Variants in TMEM266 observed in about 807,000 individuals in gnomAD.
TMEM266 encodes the protein Hv1 related protein 1.
In TMEM266, 33 loss-of-function variants were observed where a neutral mutation model predicts 50.5. That is an observed-to-expected ratio of 0.65 (90% CI 0.50 to 0.87). The LOEUF (loss-of-function observed/expected upper bound fraction) is 0.87. Ranked by LOEUF, TMEM266 falls within the 40% of genes least tolerant of loss-of-function variation. TMEM266 has a pLI of 0.00. For synonymous variants in TMEM266, 310 were observed against 292.3 expected (o/e 1.06, Z -0.62); for missense variants, 655 against 695.1 (o/e 0.94, Z 0.65).
rs2935983 is a variant in TMEM266, at chr15:76,062,768, G to T, written c.-97+2752G>T. On this transcript the variant is annotated intron_variant, in intron 1 of 10. Transcript: ENST00000388942. ...AAAGGCCAATTCAGGAAATATAAAA[G>T]TGTTTCTGGACTACTTTTTTTTTCT... is the stretch of plus-strand genomic sequence containing the variant. Among the ~76,000 whole-genome samples the T allele has an allele frequency of 3.9e-5, 6 of 152,226 alleles. No individual in the cohort carries two copies. In the East Asian group the frequency reaches 1.2e-3, roughly 29 times the overall value.
intron 1 of TMEM266, among the ~76,000 whole-genome samples, chr15:76,088,313 G>A (rs970724189): frequency 6.6e-6 from 1 of 152,180 alleles, no homozygotes; most frequent in African/African-American, 2.4e-5. Context: ...CTCTGGGAGT[G>A]TACAGGGAGC....
intron 8 of TMEM266, among the ~76,000 whole-genome samples, chr15:76,180,025 A>G (rs935936850): frequency 6.6e-5 from 10 of 152,218 alleles, no homozygotes; most frequent in South Asian, 4.1e-4. Context: ...TGTTTGTACA[A>G]CTATTTCAAC....
chr15:76,097,491 C>T (rs1037470518), intron 1 of TMEM266, among the ~76,000 whole-genome samples: 3 of 152,052 alleles, frequency 2.0e-5, no homozygotes, highest in Admixed American at 6.5e-5. Flanking sequence ...TGCTGCTTCC[C>T]TTTGTGGGTA....
At chr15:76,130,790 T>C (rs1415120841) in intron 1 of TMEM266, among the ~76,000 whole-genome samples, 1 of 152,200 alleles carries the variant, frequency 6.6e-6, no homozygotes, top group Admixed American at 6.5e-5. Context: ...TCTACAATTG[T>C]ATATATTTGA....
In TMEM266 at chr15:76,172,825, C is replaced by G. The variant is rs111487045; in HGVS notation, c.652+1694C>G. ...GGCTGCTCACTCCCTGCAGTCTGCTCAGGGCCCTGTTCTTGGCTCTGTCCA... is the reference window on the plus strand; with the variant it reads ...GGCTGCTCACTCCCTGCAGTCTGCTGAGGGCCCTGTTCTTGGCTCTGTCCA... On this transcript the variant is annotated intron_variant, in intron 7 of 10. Coordinates refer to ENST00000388942, the MANE Select transcript of TMEM266 (RefSeq NM_152335.3). Among the ~76,000 whole-genome samples, 195 of 152,344 alleles carry G rather than the reference C, an allele frequency of 1.3e-3. 2 individuals are homozygous for G. The Middle Eastern group carries it at 0.014, about 11-fold the overall frequency.
intron 1 of TMEM266, among the ~76,000 whole-genome samples, chr15:76,120,562 A>G (rs1181560665): frequency 1.3e-5 from 2 of 152,000 alleles, no homozygotes; most frequent in African/African-American, 4.8e-5. Context: ...GGAGTTAGAG[A>G]CCAGCCTGGG....
intron 1 of TMEM266, among the ~76,000 whole-genome samples, chr15:76,089,349 C>A (rs113138763): frequency 6.6e-6 from 1 of 151,782 alleles, no homozygotes; most frequent in East Asian, 2.0e-4. Context: ...CCCGCCACCA[C>A]GCCCGGCTAA....
intron 3 of TMEM266, among the ~76,000 whole-genome samples, chr15:76,152,454 G>A (rs1293520540): frequency 6.6e-6 from 1 of 152,200 alleles, no homozygotes; most frequent in East Asian, 1.9e-4. Context: ...GCCAAGGGCT[G>A]TGGCTGCACC....
Position 76,166,463 on chromosome 15 carries a change from C to T in TMEM266, c.457-3353C>T, listed in dbSNP as rs530408291. Among the ~76,000 whole-genome samples the T allele has an allele frequency of 2.7e-5, 4 of 149,036 alleles. No individual in the cohort carries two copies. The East Asian group carries it at 5.8e-4, about 22-fold the overall frequency. On this transcript the variant is annotated intron_variant, in intron 5 of 10. Transcript: ENST00000388942. ...CAGGCCTCCGAGGATGGGTCCCCTGCGGATGGGCCAGCACAGAGGGAAGGC... is the reference window on the plus strand; with the variant it reads ...CAGGCCTCCGAGGATGGGTCCCCTGTGGATGGGCCAGCACAGAGGGAAGGC...
chr15:76,119,408 A>AG (rs983830427), intron 1 of TMEM266, among the ~76,000 whole-genome samples: 17 of 149,032 alleles, frequency 1.1e-4, no homozygotes, highest in Admixed American at 3.4e-4. Flanking sequence ...AAAAAAAAAA[A>AG]AAAAGAAAAG....
intron 5 of TMEM266, among the ~76,000 whole-genome samples, chr15:76,165,723 C>T (rs577100180): frequency 6.6e-6 from 1 of 152,274 alleles, no homozygotes; most frequent in South Asian, 2.1e-4. Context: ...TGAAGGTGGC[C>T]GCATGAGGGG....
intron 2 of TMEM266, among the ~76,000 whole-genome samples, chr15:76,135,536 G>A (rs537326090): frequency 5.3e-5 from 8 of 152,236 alleles, no homozygotes; most frequent in Admixed American, 2.0e-4. Flanking sequence ...GTTTCCTTGA[G>A]TAGTCCAGAA....
At chr15:76,091,198 A>G (rs1275956291) in intron 1 of TMEM266, among the ~76,000 whole-genome samples, 1 of 152,232 alleles carries the variant, frequency 6.6e-6, no homozygotes, top group Non-Finnish European at 1.5e-5. Flanking sequence ...GATGCAGACC[A>G]AATTGCTTTC....
chr15:76,073,453 G>A (rs999445800), intron 1 of TMEM266, among the ~76,000 whole-genome samples: 3 of 151,950 alleles, frequency 2.0e-5, no homozygotes, highest in African/African-American at 7.3e-5. Context: ...GGCTGGTCTC[G>A]AACTCCTGGC....
At chr15:76,177,764 C>T (rs1482436662) in intron 8 of TMEM266, among the ~76,000 whole-genome samples, 1 of 152,262 alleles carries the variant, frequency 6.6e-6, no homozygotes, top group Non-Finnish European at 1.5e-5. Flanking sequence ...CCGTCCAGAG[C>T]TGCTCTGTGC....
Position 76,170,205 on chromosome 15 carries a change from A to G in TMEM266, c.513+333A>G, listed in dbSNP as rs148177324. On this transcript the variant is annotated intron_variant, in intron 6 of 10. Coordinates refer to ENST00000388942, the MANE Select transcript of TMEM266 (RefSeq NM_152335.3). ...CCCTAAATGGAAAGCTGAGCGGGAA[A>G]CTGTCAACGTGCTTCTCAGGCTGGG... Among the ~76,000 whole-genome samples the G allele has an allele frequency of 3.4e-3, 511 of 152,316 alleles. 2 individuals are homozygous for G. Among genetic ancestry groups the G allele is most frequent in the African/African-American group, 0.012 (487 of 41,578 alleles).
chr15:76,134,608 A>G (rs140568878), intron 2 of TMEM266, among the ~76,000 whole-genome samples: 6 of 152,390 alleles, frequency 3.9e-5, no homozygotes, highest in African/African-American at 1.2e-4. Context: ...GAGATGCCAT[A>G]TGAACCAATC....
intron 5 of TMEM266, among the ~76,000 whole-genome samples, chr15:76,165,623 G>T (rs147825807): frequency 6.6e-6 from 1 of 152,342 alleles, no homozygotes; most frequent in African/African-American, 2.4e-5. Context: ...TGGGGCTGGG[G>T]CTGGGGCTAT....
chr15:76,172,456 C>T (rs1250926903), intron 7 of TMEM266, among the ~76,000 whole-genome samples: 1 of 152,208 alleles, frequency 6.6e-6, no homozygotes, highest in Admixed American at 6.5e-5. Context: ...CCAGCATTTG[C>T]CACGCAGGTG....
Sources: gnomAD v4.1 joint callset for allele counts (sites outside exome capture counted in the v4.1 genomes callset) on GRCh38, gnomAD v4.1.1 for gene constraint, MANE v1.5 for transcripts, NCBI Gene and HGNC (gene_info 2026-07-23, HGNC 2026-07-21) for gene names.